The following ZNF674 variants were observed in gnomAD, a reference collection of about 807,000 sequenced individuals.
The protein encoded by ZNF674 is zinc finger protein 674, also known as zinc finger family member 674.
In ZNF674, 2 loss-of-function variants were observed where a neutral mutation model predicts 7.0. The ratio of observed to expected loss-of-function variants is 0.29; its 90% CI spans 0.12 to 0.90. ZNF674 has a LOEUF of 0.90. ZNF674 is among the 40% of genes least tolerant of loss of function. The pLI, the probability that ZNF674 is intolerant of heterozygous loss-of-function variation, is 0.57. For synonymous variants in ZNF674, 103 were observed against 145.2 expected, an observed-to-expected ratio of 0.71 and a Z score of 2.09; for missense variants, 297 against 415.5, an observed-to-expected ratio of 0.71 and a Z score of 2.48.
At chrX:46,543,929 G>A (rs1400435278) in intron 2 of ZNF674, among the ~76,000 whole-genome samples, 4 of 112,627 alleles carry the variant, frequency 3.6e-5, no homozygotes, top group Non-Finnish European at 5.6e-5. Flanking sequence ...CAGGATGAAC[G>A]GACACTCAGC....
At chrX:46,505,732 T>C (rs1447099749) in intron 5 of ZNF674, among the ~76,000 whole-genome samples, 6 of 109,726 alleles carry the variant, frequency 5.5e-5, no homozygotes, top group African/African-American at 1.3e-4. Flanking sequence ...GATTGTGCCA[T>C]TGCACTCTAG....
chrX:46,515,326 G>A (rs1312478711), intron 5 of ZNF674, among the ~76,000 whole-genome samples: 1 of 105,079 alleles, frequency 9.5e-6, no homozygotes, highest in Non-Finnish European at 1.9e-5. Flanking sequence ...CTGAGTTGGT[G>A]CCATTGCATC....
intron 3 of ZNF674, among the ~76,000 whole-genome samples, chrX:46,535,152 TC>T (rs1284139645): frequency 1.8e-5 from 2 of 111,519 alleles, no homozygotes; most frequent in Non-Finnish European, 3.8e-5. Flanking sequence ...GAATTTTTTT[TC>T]TTTTTTTTTG....
intron 5 of ZNF674, among the ~76,000 whole-genome samples, chrX:46,519,955 T>C (rs755216517): frequency 8.9e-6 from 1 of 112,322 alleles, no homozygotes; most frequent in Non-Finnish European, 1.9e-5. Context: ...TGGAGGATTA[T>C]GCTGAGTGAA....
intron 5 of ZNF674, among the ~76,000 whole-genome samples, chrX:46,506,430 A>AAAAC (rs1941541039): frequency 9.0e-6 from 1 of 110,515 alleles, no homozygotes; most frequent in African/African-American, 3.3e-5. Context: ...AAAAAAAAAA[A>AAAAC]ACTATCCCTG....
chrX:46,514,696 G>A (rs1941729138), intron 5 of ZNF674, among the ~76,000 whole-genome samples: 1 of 112,141 alleles, frequency 8.9e-6, no homozygotes, highest in Non-Finnish European at 1.9e-5. Context: ...TTACAACTTT[G>A]TTAGTTAGGT....
intron 5 of ZNF674, among the ~76,000 whole-genome samples, chrX:46,525,603 G>A (rs1287322936): frequency 1.9e-5 from 2 of 104,944 alleles, no homozygotes; most frequent in African/African-American, 3.6e-5. Flanking sequence ...CAACAAAAGC[G>A]AAACTCCTTC....
chrX:46,513,614 G>A (rs1000397923), intron 5 of ZNF674, among the ~76,000 whole-genome samples: 2 of 111,912 alleles, frequency 1.8e-5, no homozygotes, highest in Non-Finnish European at 3.8e-5. Context: ...GCTTTTAGGG[G>A]ATTAATTTGA....
chrX:46,510,019 G>C lies in ZNF674; in HGVS notation c.239-8684C>G, dbSNP rs780921338. Among the ~76,000 whole-genome samples, 629 of 108,454 alleles carry C rather than the reference G, an allele frequency of 5.8e-3. 3 individuals are homozygous for C. Among genetic ancestry groups the C allele is most frequent in the African/African-American group, 0.02 (588 of 29,866 alleles). The allele number at this position is 108,454 out of a possible 115,157, so 94.2% of individuals were successfully genotyped here. ...ATGGATGAAACTGGAAATCATCATT[G>C]TCAGTAAACTATCACAAGAACAAAA... is the stretch of plus-strand genomic sequence containing the variant. On this transcript the variant is annotated intron_variant, in intron 5 of 5. Coordinates refer to ENST00000683375, the MANE Select transcript of ZNF674 (RefSeq NM_001190417.2).
Position 46,500,473 on chromosome X carries a change from G to A in ZNF674, c.1101C>T (p.Pro367=), listed in dbSNP as rs750983120. 8.3e-7 allele frequency: 1 copy of A among 1,211,813 alleles called. No homozygotes were observed. ...TTGTATGAGTTCTCCAATGTTTAGT[G>A]GGACTGGGCTTCTCATCAGAGGCTT... The part of the protein sequence containing the change: ...HGKASDEKPS[P]TKHWRTHTKE... The change falls in exon 6 of 6, where the codon CCC becomes CCT. Residue 367 remains proline, a synonymous_variant. Coordinates refer to ENST00000683375, the MANE Select transcript of ZNF674 (RefSeq NM_001190417.2).
intron 3 of ZNF674, among the ~76,000 whole-genome samples, chrX:46,538,554 A>G (rs1183110249): frequency 8.9e-6 from 1 of 112,048 alleles, no homozygotes; most frequent in African/African-American, 3.2e-5. Context: ...GCAAATGACT[A>G]GAATAAATAA....
At chrX:46,520,999 A>C (rs2146603971) in intron 5 of ZNF674, among the ~76,000 whole-genome samples, 1 of 110,029 alleles carries the variant, frequency 9.1e-6, no homozygotes, top group African/African-American at 3.3e-5. Flanking sequence ...CCAGCCTGGG[A>C]AACATGGTGA....
At chrX:46,514,940 CTA>C (rs1941733822) in intron 5 of ZNF674, among the ~76,000 whole-genome samples, 1 of 112,160 alleles carries the variant, frequency 8.9e-6, no homozygotes, top group African/African-American at 3.2e-5. Context: ...GTTTTCAATA[CTA>C]TATGTGATTA....
At chrX:46,507,828 A>G (rs969270327) in intron 5 of ZNF674, among the ~76,000 whole-genome samples, 1 of 112,059 alleles carries the variant, frequency 8.9e-6, no homozygotes, top group Non-Finnish European at 1.9e-5. Context: ...AAATATATGT[A>G]AGTTATAAAG....
intron 3 of ZNF674, among the ~76,000 whole-genome samples, chrX:46,540,461 C>T (rs774700093): frequency 9.0e-6 from 1 of 111,711 alleles, no homozygotes; most frequent in African/African-American, 3.2e-5. Flanking sequence ...TTTTGACATC[C>T]ATGTTCTTAA....
intron 5 of ZNF674, among the ~76,000 whole-genome samples, chrX:46,506,136 G>A (rs1941533373): frequency 8.9e-6 from 1 of 112,282 alleles, no homozygotes. Flanking sequence ...CACAGGGCTG[G>A]CTCCTGGCTA....
At chrX:46,519,671 CAAG>C (rs756014992) in intron 5 of ZNF674, among the ~76,000 whole-genome samples, 1 of 109,567 alleles carries the variant, frequency 9.1e-6, no homozygotes, top group Non-Finnish European at 1.9e-5. Context: ...AATTTAAAAA[CAAG>C]GAGACAGTGA....
intron 3 of ZNF674, 30 bp from the exon 4 acceptor site, chrX:46,528,939 C>T: frequency 8.3e-7 from 1 of 1,211,690 alleles, no homozygotes; most frequent in Non-Finnish European, 1.1e-6. Flanking sequence ...TTTAGCACCC[C>T]AGGACCAGCC....
chrX:46,501,546 G>A (rs1184582343), intron 5 of ZNF674, among the ~76,000 whole-genome samples: 4 of 110,720 alleles, frequency 3.6e-5, no homozygotes, highest in Non-Finnish European at 7.5e-5. Flanking sequence ...AGAGTAAACA[G>A]AACAGCTTGA....
Sources: allele counts gnomAD v4.1 joint callset (sites outside exome capture counted in the v4.1 genomes callset), GRCh38; gene constraint gnomAD v4.1.1; transcripts MANE v1.5; gene names NCBI Gene and HGNC (gene_info 2026-07-23, HGNC 2026-07-21).